ACKR2: variants seen among roughly 807,000 people sequenced by gnomAD.
ACKR2 encodes the protein atypical chemokine receptor 2, also known as C-C chemokine receptor D6.
For synonymous variants in ACKR2, 207 were observed against 192.2 expected, an observed-to-expected ratio of 1.08 and a Z score of -0.64; for missense variants, 457 against 477.3, an observed-to-expected ratio of 0.96 and a Z score of 0.40.
intron 2 of ACKR2, among the ~76,000 whole-genome samples, chr3:42,854,064 C>T (rs978730156): frequency 3.3e-5 from 5 of 151,924 alleles, no homozygotes; most frequent in African/African-American, 9.7e-5. Flanking sequence ...GTAGGGCGGC[C>T]GTGAAATTGA....
In ACKR2 at chr3:42,864,532, C is replaced by T; in HGVS notation, c.30C>T (p.Leu10=). The T allele has an allele frequency of 6.2e-7, 1 of 1,608,270 alleles. No homozygotes were observed. The highest frequency in any genetic ancestry group is 1.7e-4 in the Middle Eastern group (1 of 6,008). Residue 10 remains leucine (L), a synonymous_variant, in exon 3 of 3, where the codon CTC becomes CTT. Transcript: ENST00000422265. ...CCGCCACTGCCTCTCCGCAGCCACT[C>T]GCCACTGAGGATGCCGATTCTGAGA... MAATASPQP[L]ATEDADSENS...
intron 2 of ACKR2, among the ~76,000 whole-genome samples, chr3:42,843,628 G>A (rs1302543760): frequency 6.6e-6 from 1 of 152,194 alleles, no homozygotes; most frequent in Admixed American, 6.5e-5. Flanking sequence ...GTGAGCCACA[G>A]AAACAGGTTA....
chr3:42,861,863 C>CA (rs2088388354), intron 2 of ACKR2, among the ~76,000 whole-genome samples: 1 of 152,166 alleles, frequency 6.6e-6, no homozygotes, highest in Admixed American at 6.5e-5. Flanking sequence ...GAACATATCT[C>CA]AAAATAATAA....
intron 2 of ACKR2, among the ~76,000 whole-genome samples, chr3:42,846,783 A>G (rs987676800): frequency 2.0e-5 from 3 of 152,264 alleles, no homozygotes; most frequent in South Asian, 2.1e-4. Flanking sequence ...CATTCTCCCA[A>G]CAAACATTTA....
intron 2 of ACKR2, among the ~76,000 whole-genome samples, chr3:42,821,758 GCTAT>G: frequency 6.6e-6 from 1 of 151,786 alleles, no homozygotes; most frequent in South Asian, 2.1e-4. Context: ...GTGCAGTGGC[GCTAT>G]CTCGGCTCAC....
intron 1 of ACKR2, among the ~76,000 whole-genome samples, chr3:42,817,602 T>C (rs1700766026): frequency 6.6e-6 from 1 of 152,038 alleles, no homozygotes; most frequent in South Asian, 2.1e-4. Flanking sequence ...CTCATACTCT[T>C]CCATTTAAAA....
intron 2 of ACKR2, among the ~76,000 whole-genome samples, chr3:42,829,766 CTT>C (rs1700911182): frequency 6.6e-6 from 1 of 152,180 alleles, no homozygotes; most frequent in Admixed American, 6.5e-5. Context: ...TGACGTAACT[CTT>C]TTAGTCTTCA....
intron 2 of ACKR2, among the ~76,000 whole-genome samples, chr3:42,842,128 G>A (rs1701045179): frequency 1.3e-5 from 2 of 152,350 alleles, no homozygotes; most frequent in Middle Eastern, 3.4e-3. Flanking sequence ...GGTAGACAGA[G>A]GTTGAGGCCT....
At chr3:42,859,666 C>T (rs972049841) in intron 2 of ACKR2, among the ~76,000 whole-genome samples, 5 of 152,100 alleles carry the variant, frequency 3.3e-5, no homozygotes, top group Non-Finnish European at 7.3e-5. Flanking sequence ...CAGACGTGAG[C>T]CGCCGCGCCT....
chr3:42,851,402 G>A (rs1305350808), intron 2 of ACKR2: 5 of 985,472 alleles, frequency 5.1e-6, no homozygotes, highest in East Asian at 1.1e-4. Context: ...TGGCGCTGCC[G>A]CTCTCCTCCC....
At chr3:42,853,872 C>T (rs1467047594) in intron 2 of ACKR2, among the ~76,000 whole-genome samples, 4 of 152,174 alleles carry the variant, frequency 2.6e-5, no homozygotes, top group South Asian at 2.1e-4. Context: ...TGATCTCAAA[C>T]GGTGTCCTTG....
At chr3:42,849,187 A>C (rs1340530042) in intron 2 of ACKR2, among the ~76,000 whole-genome samples, 1 of 152,070 alleles carries the variant, frequency 6.6e-6, no homozygotes, top group Non-Finnish European at 1.5e-5. Context: ...CAGTACTGTG[A>C]TTATGTAGAT....
chr3:42,821,420 G>A (rs768348984), intron 2 of ACKR2, among the ~76,000 whole-genome samples: 5 of 151,588 alleles, frequency 3.3e-5, no homozygotes, highest in South Asian at 2.1e-4. Context: ...CATTTCCTAC[G>A]TGCACTGCTG....
chr3:42,851,632 G>C (rs1031376684), intron 2 of ACKR2, among the ~76,000 whole-genome samples: 1 of 152,022 alleles, frequency 6.6e-6, no homozygotes, highest in African/African-American at 2.4e-5. Context: ...CCAGCACCTG[G>C]AGAGTGATGG....
intron 1 of ACKR2, among the ~76,000 whole-genome samples, chr3:42,818,256 C>A (rs113383971): frequency 3.9e-5 from 6 of 152,218 alleles, no homozygotes; most frequent in African/African-American, 1.4e-4. Flanking sequence ...CTCCTAAATT[C>A]CCTGACGTGT....
intron 2 of ACKR2, among the ~76,000 whole-genome samples, chr3:42,848,342 C>CA (rs1701119699): frequency 6.6e-6 from 1 of 151,164 alleles, no homozygotes; most frequent in African/African-American, 2.4e-5. Flanking sequence ...CTCAGCCTCC[C>CA]AAGTAGCTAA....
At chr3:42,836,090 A>G (rs1391343792) in intron 2 of ACKR2, 2 of 152,164 alleles carry the variant, frequency 1.3e-5, no homozygotes, top group African/African-American at 4.8e-5. Context: ...TGCTCCAGGA[A>G]TGCATTCCTC....
chr3:42,823,470 G>A (rs1380087775), intron 2 of ACKR2, among the ~76,000 whole-genome samples: 1 of 152,168 alleles, frequency 6.6e-6, no homozygotes, highest in Non-Finnish European at 1.5e-5. Flanking sequence ...TGTGTAGCCT[G>A]TCAGCCTTCG....
At chr3:42,859,780 C>T (rs1052820234) in intron 2 of ACKR2, among the ~76,000 whole-genome samples, 11 of 152,012 alleles carry the variant, frequency 7.2e-5, no homozygotes, top group Non-Finnish European at 1.5e-5. Flanking sequence ...TACAGACAAG[C>T]AAATGCTGAG....
Sources: gnomAD v4.1 joint callset for allele counts (sites outside exome capture counted in the v4.1 genomes callset) on GRCh38, gnomAD v4.1.1 for gene constraint, MANE v1.5 for transcripts, NCBI Gene and HGNC (gene_info 2026-07-23, HGNC 2026-07-21) for gene names.